The following CDH10 variants were observed in gnomAD, a reference collection of about 807,000 sequenced individuals.
The protein encoded by CDH10 is cadherin-10.
Under a neutral mutation model 73.1 loss-of-function variants are expected in CDH10, and 30 were observed. The observed-to-expected ratio is 0.41, with a 90% CI of 0.31 to 0.56. The LOEUF is 0.56. CDH10 is among the 20% of genes least tolerant of loss of function. The pLI, the probability that CDH10 is intolerant of heterozygous loss-of-function variation, is 0.27. For synonymous variants in CDH10, 345 were observed against 348.2 expected, an observed-to-expected ratio of 0.99 and a Z score of 0.10; for missense variants, 815 against 973.7, an observed-to-expected ratio of 0.84 and a Z score of 2.17.
At chr5:24,507,340 G>T (rs1451989621) in intron 7 of CDH10, among the ~76,000 whole-genome samples, 2 of 150,988 alleles carry the variant, frequency 1.3e-5, no homozygotes, top group Non-Finnish European at 3.0e-5. Context: ...TATTATTTTT[G>T]CTATAATATG....
rs374469621 is a variant in CDH10, at chr5:24,492,956, T to C, written c.1516-31A>G. ...GAAAAAGAAAAATATATCTCATCAA[T>C]ATATCTCTTATCCATGGGTATAATC... On this transcript the variant is annotated intron_variant, in intron 9 of 11. Coordinates refer to ENST00000264463, the MANE Select transcript of CDH10 (RefSeq NM_006727.5). 4.8e-6 allele frequency: 4 copies of C among 840,270 alleles called. No individual in the cohort carries two copies. The East Asian group carries it at 9.7e-5, about 20-fold the overall frequency. The allele number at this position is 840,270 out of a possible 1,614,324, so 52.1% of individuals were successfully genotyped here.
intron 1 of CDH10, among the ~76,000 whole-genome samples, chr5:24,617,239 C>T (rs1366122805): frequency 6.6e-6 from 1 of 152,134 alleles, no homozygotes; most frequent in Non-Finnish European, 1.5e-5. Flanking sequence ...ACCCCTCCTG[C>T]TTTTGCCCCG....
At chr5:24,639,431 G>T (rs16893683) in intron 1 of CDH10, among the ~76,000 whole-genome samples, 4 of 151,566 alleles carry the variant, frequency 2.6e-5, no homozygotes, top group Non-Finnish European at 4.4e-5. Context: ...TTCAGATAAT[G>T]ATATTGAATT....
intron 2 of CDH10, among the ~76,000 whole-genome samples, chr5:24,588,436 C>T (rs1222694616): frequency 6.6e-6 from 1 of 152,084 alleles, no homozygotes; most frequent in Non-Finnish European, 1.5e-5. Context: ...TACTTGGGAA[C>T]GTTTAGTCTC....
intron 6 of CDH10, 140 bp downstream of exon 6, chr5:24,511,187 T>C (rs1742888632): frequency 1.9e-6 from 1 of 531,066 alleles, no homozygotes; most frequent in Admixed American, 3.2e-5. Flanking sequence ...TTTATGTCTT[T>C]CTTATGTATG....
intron 1 of CDH10, among the ~76,000 whole-genome samples, chr5:24,614,472 A>T (rs1312702486): frequency 6.6e-6 from 1 of 152,206 alleles, no homozygotes. Context: ...GTAATTGATG[A>T]TGTGCATATT....
At chr5:24,541,228 G>A (rs1464266398) in intron 2 of CDH10, among the ~76,000 whole-genome samples, 2 of 151,932 alleles carry the variant, frequency 1.3e-5, no homozygotes, top group Admixed American at 6.6e-5. Context: ...AAAGGACAAA[G>A]TTCTTGAGTT....
chr5:24,507,383 C>CATATACATAATATA (rs142316179), intron 7 of CDH10, among the ~76,000 whole-genome samples: 7,678 of 150,778 alleles, frequency 0.051, 649 homozygotes, highest in African/African-American at 0.17. Context: ...TTATAATATA[C>CATATACATAATATA]ATATACATAA....
intron 1 of CDH10, among the ~76,000 whole-genome samples, chr5:24,641,846 A>G (rs1403509826): frequency 1.3e-5 from 2 of 152,086 alleles, no homozygotes; most frequent in African/African-American, 4.8e-5. Flanking sequence ...ATTCCAGATA[A>G]TATGTTGGGT....
intron 2 of CDH10, among the ~76,000 whole-genome samples, chr5:24,570,514 C>T (rs1461070927): frequency 1.3e-5 from 2 of 152,062 alleles, no homozygotes; most frequent in African/African-American, 4.8e-5. Flanking sequence ...GAGATTGCAT[C>T]ACTGCCCAAC....
intron 2 of CDH10, among the ~76,000 whole-genome samples, chr5:24,547,849 C>T (rs996977190): frequency 3.9e-5 from 6 of 152,134 alleles, no homozygotes; most frequent in Non-Finnish European, 8.8e-5. Flanking sequence ...AAATGGCCAT[C>T]GCTCAGGAGA....
At chr5:24,541,299 T>C (rs1744146098) in intron 2 of CDH10, among the ~76,000 whole-genome samples, 1 of 152,032 alleles carries the variant, frequency 6.6e-6, no homozygotes, top group African/African-American at 2.4e-5. Flanking sequence ...TTTTTAATTA[T>C]CTCTTATTCT....
intron 2 of CDH10, among the ~76,000 whole-genome samples, chr5:24,545,227 G>GT (rs1404734583): frequency 2.6e-5 from 4 of 152,084 alleles, no homozygotes; most frequent in Non-Finnish European, 5.9e-5. Flanking sequence ...GACATTGAAC[G>GT]TTTTTACACC....
intron 2 of CDH10, among the ~76,000 whole-genome samples, chr5:24,542,215 C>A (rs1744178171): frequency 6.6e-6 from 1 of 151,982 alleles, no homozygotes; most frequent in African/African-American, 2.4e-5. Context: ...AAAGAATATC[C>A]AATCAATTGT....
chr5:24,556,960 A>G (rs1282885893), intron 2 of CDH10, among the ~76,000 whole-genome samples: 3 of 139,500 alleles, frequency 2.2e-5, no homozygotes, highest in South Asian at 4.6e-4. Context: ...ATTTAATCTG[A>G]AGTTTTTTTC....
chr5:24,521,752 A>T, intron 5 of CDH10, among the ~76,000 whole-genome samples: 1 of 152,216 alleles, frequency 6.6e-6, no homozygotes, highest in Non-Finnish European at 1.5e-5. Flanking sequence ...TGAAGTTAAG[A>T]AAATAATGGA....
At chr5:24,497,960 G>C (rs189726935) in intron 9 of CDH10, among the ~76,000 whole-genome samples, 14 of 152,248 alleles carry the variant, frequency 9.2e-5, no homozygotes, top group Admixed American at 7.9e-4. Context: ...ATGCAAAACC[G>C]TATCTGCACA....
intron 3 of CDH10, among the ~76,000 whole-genome samples, 166 bp downstream of exon 3, chr5:24,537,214 T>C (rs1187948724): frequency 6.6e-6 from 1 of 151,774 alleles, no homozygotes; most frequent in Non-Finnish European, 1.5e-5. Flanking sequence ...GTAAATTGCA[T>C]TGATCTTTTT....
rs749215820 is a variant in CDH10 at position 24,552,113 on chromosome 5, G to C, written c.232-14439C>G. 2.3e-4 allele frequency among the ~76,000 whole-genome samples: 35 copies of C among 152,072 alleles called. No homozygotes were observed. The South Asian group carries it at 4.8e-3, about 21-fold the overall frequency. Reference sequence around the variant, plus strand: ...TACATGAAACATATAAGTGCTTCTTGGTCTCAAATATACATATATCTCCAT... The same window carrying C: ...TACATGAAACATATAAGTGCTTCTTCGTCTCAAATATACATATATCTCCAT... On this transcript the variant is annotated intron_variant, in intron 2 of 11. Transcript: ENST00000264463.
Sources: allele counts gnomAD v4.1 joint callset (sites outside exome capture counted in the v4.1 genomes callset), GRCh38; gene constraint gnomAD v4.1.1; transcripts MANE v1.5; gene names NCBI Gene and HGNC (gene_info 2026-07-23, HGNC 2026-07-21).